Variants in SMOC2 observed in about 807,000 individuals in gnomAD.
SMOC2 encodes the protein SPARC-related modular calcium-binding protein 2.
A neutral mutation model predicts 61.4 loss-of-function variants in SMOC2; 39 were observed. The observed-to-expected ratio is 0.64, with a 90% confidence interval of 0.49 to 0.83. SMOC2 has a LOEUF of 0.83. Among genes scored for constraint, SMOC2 ranks in the 40% least tolerant of loss-of-function variants. SMOC2 has a pLI of 0.00. For synonymous variants in SMOC2, 247 were observed against 239.9 expected (o/e 1.03, Z -0.27); for missense variants, 556 against 592.9 (o/e 0.94, Z 0.65).
chr6:168,624,528 A>C (rs1786332532), intron 9 of SMOC2, among the ~76,000 whole-genome samples: 1 of 148,738 alleles, frequency 6.7e-6, no homozygotes, highest in Admixed American at 6.7e-5. Flanking sequence ...ACAACAATAC[A>C]GATTCACACA....
chr6:168,446,145 C>T (rs528977841), intron 1 of SMOC2, among the ~76,000 whole-genome samples: 11 of 152,342 alleles, frequency 7.2e-5, no homozygotes, highest in African/African-American at 2.4e-4. Context: ...GGTGGATCAT[C>T]TGAGGTCAGG....
chr6:168,606,401 T>G (rs574635748), intron 8 of SMOC2, among the ~76,000 whole-genome samples: 66 of 152,308 alleles, frequency 4.3e-4, no homozygotes, highest in African/African-American at 1.5e-3. Flanking sequence ...TTTGTCTGAC[T>G]GGGGTGGCAG....
chr6:168,619,541 G>T (rs1018733135), intron 9 of SMOC2, among the ~76,000 whole-genome samples: 1 of 152,072 alleles, frequency 6.6e-6, no homozygotes, highest in African/African-American at 2.4e-5. Flanking sequence ...TCCAAGTACG[G>T]TATACACTTA....
At chr6:168,507,237 C>T (rs1034587607) in intron 1 of SMOC2, among the ~76,000 whole-genome samples, 2 of 152,140 alleles carry the variant, frequency 1.3e-5, no homozygotes, top group African/African-American at 4.8e-5. Flanking sequence ...ACATAGAGAC[C>T]ACCTCTTAAA....
chr6:168,476,484 G>GTGTA (rs1554282571), intron 1 of SMOC2, among the ~76,000 whole-genome samples: 1,059 of 91,060 alleles, frequency 0.012, 16 homozygotes, highest in Middle Eastern at 0.013. Flanking sequence ...GTGTGTGTAT[G>GTGTA]TGTGTGTGTG....
intron 1 of SMOC2, among the ~76,000 whole-genome samples, chr6:168,479,476 T>A (rs1433464286): frequency 6.6e-6 from 1 of 152,238 alleles, no homozygotes; most frequent in African/African-American, 2.4e-5. Flanking sequence ...ACAGTTGCAC[T>A]GGCAAAATCT....
chr6:168,519,568 A>G (rs1381686344), intron 2 of SMOC2, among the ~76,000 whole-genome samples: 1 of 152,180 alleles, frequency 6.6e-6, no homozygotes, highest in African/African-American at 2.4e-5. Flanking sequence ...GTGATCAGAA[A>G]CACAGCCGGA....
At chr6:168,473,476 A>G (rs1187731219) in intron 1 of SMOC2, among the ~76,000 whole-genome samples, 1 of 152,100 alleles carries the variant, frequency 6.6e-6, no homozygotes, top group Non-Finnish European at 1.5e-5. Context: ...CGATACTGTT[A>G]CCTTCTCTCA....
chr6:168,576,216 CT>C (rs1290427459), intron 7 of SMOC2, among the ~76,000 whole-genome samples: 3 of 152,140 alleles, frequency 2.0e-5, no homozygotes, highest in Non-Finnish European at 4.4e-5. Context: ...ACACACAACC[CT>C]TATTCTCAAA....
At chr6:168,618,607 C>T (rs1424153685) in intron 9 of SMOC2, among the ~76,000 whole-genome samples, 2 of 148,868 alleles carry the variant, frequency 1.3e-5, no homozygotes, top group Non-Finnish European at 3.0e-5. Context: ...TGAGGAGAGG[C>T]AGGTAGTGGC....
intron 9 of SMOC2, among the ~76,000 whole-genome samples, chr6:168,637,471 C>A (rs1319564035): frequency 6.6e-6 from 1 of 152,202 alleles, no homozygotes. Flanking sequence ...CTTTTCTACT[C>A]CTTGCGTCTT....
At chr6:168,630,427 A>C (rs1352239086) in intron 9 of SMOC2, among the ~76,000 whole-genome samples, 1 of 152,084 alleles carries the variant, frequency 6.6e-6, no homozygotes, top group Non-Finnish European at 1.5e-5. Flanking sequence ...CCCAAGCAAT[A>C]CTCTTGTGAT....
rs61248003 is a variant in SMOC2 at position 168,464,493 on chromosome 6, G to GAA, written c.84+23045_84+23046dup. Reference sequence around the variant, plus strand: ...AAAGGGTAGACAGGTTCTCCAATAAGAAAAAAACATTTTGGGATCAAGTGA... The same window carrying GAA: ...AAAGGGTAGACAGGTTCTCCAATAAGAAAAAAAAACATTTTGGGATCAAGTGA... On this transcript the variant is annotated intron_variant, in intron 1 of 12. Transcript: ENST00000356284. Among the ~76,000 whole-genome samples the GAA allele has an allele frequency of 2.8e-4, 43 of 151,846 alleles. No homozygotes were observed. In the East Asian group the frequency reaches 4.1e-3, roughly 14 times the overall value.
intron 7 of SMOC2, among the ~76,000 whole-genome samples, chr6:168,575,880 A>G (rs1784791996): frequency 6.6e-6 from 1 of 150,930 alleles, no homozygotes; most frequent in Admixed American, 6.6e-5. Flanking sequence ...ATCCTCCACC[A>G]TTGTGACTTT....
intron 7 of SMOC2, among the ~76,000 whole-genome samples, chr6:168,552,478 G>A (rs1366418448): frequency 6.6e-6 from 1 of 151,840 alleles, no homozygotes; most frequent in Non-Finnish European, 1.5e-5. Context: ...TTGTTTCTCT[G>A]ATGTTTCTTT....
At chr6:168,584,193 A>G (rs1052179272) in intron 7 of SMOC2, among the ~76,000 whole-genome samples, 29 of 152,244 alleles carry the variant, frequency 1.9e-4, no homozygotes, top group African/African-American at 6.8e-4. Context: ...ATGGCCATGC[A>G]GGGTTGCAGG....
chr6:168,603,813 G>T (rs1171045016), intron 8 of SMOC2, among the ~76,000 whole-genome samples: 4 of 152,206 alleles, frequency 2.6e-5, no homozygotes, highest in Non-Finnish European at 5.9e-5. Context: ...TCAGAGTCAA[G>T]ACCTCAAGAA....
chr6:168,445,675 T>C (rs1781316724), intron 1 of SMOC2, among the ~76,000 whole-genome samples: 1 of 152,202 alleles, frequency 6.6e-6, no homozygotes, highest in African/African-American at 2.4e-5. Flanking sequence ...TTTCATGCTC[T>C]GGGAGGGCTT....
intron 2 of SMOC2, among the ~76,000 whole-genome samples, chr6:168,522,769 G>A (rs1019076013): frequency 3.9e-5 from 6 of 151,982 alleles, no homozygotes; most frequent in Non-Finnish European, 7.4e-5. Context: ...TACATGAACC[G>A]TGAAAACATC....
Sources: gnomAD v4.1 joint callset for allele counts (sites outside exome capture counted in the v4.1 genomes callset) on GRCh38, gnomAD v4.1.1 for gene constraint, MANE v1.5 for transcripts, NCBI Gene and HGNC (gene_info 2026-07-23, HGNC 2026-07-21) for gene names.